Variants in SH3GL3 observed in about 807,000 individuals in gnomAD.
SH3GL3 encodes the protein endophilin-A3.
In SH3GL3, 33 loss-of-function variants were observed where a neutral mutation model predicts 47.7. The observed-to-expected ratio is 0.69, with a 90% CI of 0.52 to 0.92. The LOEUF (loss-of-function observed/expected upper bound fraction) is 0.92. Among genes scored for constraint, SH3GL3 ranks in the 40% least tolerant of loss-of-function variants. The pLI, the probability that SH3GL3 is intolerant of heterozygous loss-of-function variation, is 0.00. For synonymous variants in SH3GL3, 155 were observed against 148.8 expected (o/e 1.04, Z -0.30); for missense variants, 363 against 417.8 (o/e 0.87, Z 1.14).
chr15:83,494,703 C>A (rs1231108913), intron 1 of SH3GL3, among the ~76,000 whole-genome samples: 1 of 151,912 alleles, frequency 6.6e-6, no homozygotes, highest in African/African-American at 2.4e-5. Flanking sequence ...CCACCGTGTC[C>A]AGCTAATTTT....
At chr15:83,594,709 G>T (rs2060195036) in intron 8 of SH3GL3, among the ~76,000 whole-genome samples, 1 of 152,186 alleles carries the variant, frequency 6.6e-6, no homozygotes, top group Non-Finnish European at 1.5e-5. Context: ...CCCCAGTTGA[G>T]ATTTGTCTGA....
At chr15:83,463,108 A>C (rs2151512514) in intron 1 of SH3GL3, among the ~76,000 whole-genome samples, 1 of 152,342 alleles carries the variant, frequency 6.6e-6, no homozygotes, top group East Asian at 1.9e-4. Flanking sequence ...TGCATATCCG[A>C]GATAAGGCTA....
intron 1 of SH3GL3, among the ~76,000 whole-genome samples, chr15:83,506,526 A>T (rs1368893475): frequency 6.6e-6 from 1 of 152,084 alleles, no homozygotes; most frequent in Non-Finnish European, 1.5e-5. Context: ...GTTTTTCGGC[A>T]TTGTCCTGAC....
intron 1 of SH3GL3, among the ~76,000 whole-genome samples, chr15:83,453,502 T>C (rs2039878208): frequency 6.8e-6 from 1 of 147,262 alleles, no homozygotes; most frequent in Non-Finnish European, 1.5e-5. Context: ...ATTGGTCTAT[T>C]CAGAGATTCA....
the SH3GL3 span, among the ~76,000 whole-genome samples, chr15:83,623,833 T>C: frequency 6.6e-6 from 1 of 152,200 alleles, no homozygotes; most frequent in Non-Finnish European, 1.5e-5. Context: ...TCACCCAGGC[T>C]GGAGTGCAAT....
intron 6 of SH3GL3, among the ~76,000 whole-genome samples, chr15:83,584,825 C>A (rs551542360): frequency 6.6e-6 from 1 of 152,338 alleles, no homozygotes; most frequent in Admixed American, 6.5e-5. Flanking sequence ...TTCTTCCCAC[C>A]CCAGGTGACT....
chr15:83,547,336 C>T (rs1048974225), intron 1 of SH3GL3, among the ~76,000 whole-genome samples: 3 of 152,180 alleles, frequency 2.0e-5, no homozygotes, highest in Non-Finnish European at 4.4e-5. Flanking sequence ...GTGTTGCTTT[C>T]CACTGTGACA....
intron 2 of SH3GL3, among the ~76,000 whole-genome samples, chr15:83,562,030 AACAC>A (rs55856428): frequency 0.11 from 13,971 of 132,326 alleles, 754 homozygotes; most frequent in African/African-American, 0.13. Flanking sequence ...ACACACACAC[AACAC>A]ACACACACAC....
At chr15:83,583,795 G>C (rs2059893372) in intron 6 of SH3GL3, among the ~76,000 whole-genome samples, 1 of 152,110 alleles carries the variant, frequency 6.6e-6, no homozygotes, top group Non-Finnish European at 1.5e-5. Context: ...TCAGAAGAGA[G>C]TGAGGAGCCC....
intron 6 of SH3GL3, among the ~76,000 whole-genome samples, chr15:83,585,278 C>T (rs1220863155): frequency 1.3e-5 from 2 of 152,186 alleles, no homozygotes; most frequent in South Asian, 2.1e-4. Context: ...TGAGCAGTTA[C>T]GAATGCATCT....
At chr15:83,515,216 C>A (rs989037268) in intron 1 of SH3GL3, among the ~76,000 whole-genome samples, 1 of 152,058 alleles carries the variant, frequency 6.6e-6, no homozygotes, top group Non-Finnish European at 1.5e-5. Context: ...ATTCTATGCC[C>A]GAGTTCATAA....
At chr15:83,601,797 TA>T (rs2060388171) in intron 8 of SH3GL3, among the ~76,000 whole-genome samples, 1 of 152,026 alleles carries the variant, frequency 6.6e-6, no homozygotes, top group Non-Finnish European at 1.5e-5. Flanking sequence ...GAATGTCTGA[TA>T]GAATTCAGCT....
chr15:83,523,009 G>C (rs867674836), intron 1 of SH3GL3, among the ~76,000 whole-genome samples: 2 of 152,042 alleles, frequency 1.3e-5, no homozygotes, highest in African/African-American at 4.8e-5. Flanking sequence ...CTTTAAATAA[G>C]CCAGTTTCTA....
rs1171134242 is a variant in SH3GL3 at position 83,499,832 on chromosome 15, A to G, written c.45+52254A>G. On this transcript the variant is annotated intron_variant, in intron 1 of 8. Coordinates refer to ENST00000427482, the MANE Select transcript of SH3GL3 (RefSeq NM_003027.5). ...GGACCTTAGAACAAACAAATACACA[A>G]CAATTACACAGTAGGGCCTGGCCAC... Among the ~76,000 whole-genome samples the G allele has an allele frequency of 3.9e-5, 6 of 152,382 alleles. No homozygotes were observed. The East Asian group carries it at 7.7e-4, about 20-fold the overall frequency.
chr15:83,504,671 G>C (rs1199689347), intron 1 of SH3GL3, among the ~76,000 whole-genome samples: 1 of 152,152 alleles, frequency 6.6e-6, no homozygotes, highest in Non-Finnish European at 1.5e-5. Context: ...TGAGCTGGGA[G>C]GCAGATCCTC....
intron 1 of SH3GL3, among the ~76,000 whole-genome samples, chr15:83,526,572 C>CTA (rs1179022537): frequency 3.9e-5 from 6 of 152,038 alleles, no homozygotes; most frequent in African/African-American, 1.2e-4. Context: ...GAACAAAAAA[C>CTA]CAAAAACTGC....
In SH3GL3 at chr15:83,618,258, G is replaced by A. The variant is rs376114446; in HGVS notation, c.1015G>A (p.Val339Met). ...ATCGGGATTCTTCCCCATTAATTAC[G>A]TGGAAGTGATCGTGCCTTTACCTCA... ...GESGFFPINY[V>M]EVIVPLPQ The change falls in exon 9 of 9, where the codon GTG (valine) becomes ATG (methionine). Residue 339 changes from valine to methionine, a missense_variant. By Grantham distance (21) the Val-to-Met change is conservative (BLOSUM62 1). Transcript: ENST00000427482. 7.4e-6 allele frequency: 12 copies of A among 1,610,888 alleles called. No homozygotes were observed. The Admixed American group carries it at 8.3e-5, about 11-fold the overall frequency.
intron 1 of SH3GL3, among the ~76,000 whole-genome samples, chr15:83,466,413 AAT>A (rs58728071): frequency 4.7e-5 from 7 of 149,328 alleles, no homozygotes; most frequent in African/African-American, 7.3e-5. Flanking sequence ...CAATTGTTAG[AAT>A]ATATATATAT....
intron 6 of SH3GL3, among the ~76,000 whole-genome samples, chr15:83,583,253 T>C (rs1330019903): frequency 2.0e-5 from 3 of 152,210 alleles, no homozygotes; most frequent in Non-Finnish European, 4.4e-5. Context: ...GTCCTCGCCA[T>C]GGGCTTCAGG....
Sources: allele counts gnomAD v4.1 joint callset (sites outside exome capture counted in the v4.1 genomes callset), GRCh38; gene constraint gnomAD v4.1.1; transcripts MANE v1.5; gene names NCBI Gene and HGNC (gene_info 2026-07-23, HGNC 2026-07-21).